The following FER1L6 variants were observed in gnomAD, a reference collection of about 807,000 sequenced individuals.
FER1L6 encodes fer-1-like protein 6.
A neutral mutation model predicts 219.2 loss-of-function variants in FER1L6; 177 were observed. The ratio of observed to expected loss-of-function variants is 0.81; its 90% CI spans 0.71 to 0.91. The LOEUF (loss-of-function observed/expected upper bound fraction) is 0.91, where lower values mean the gene tolerates loss of function less well. Ranked by LOEUF, FER1L6 falls within the 40% of genes least tolerant of loss-of-function variation. FER1L6 has a pLI of 0.00. For synonymous variants in FER1L6, 768 were observed against 824.3 expected (o/e 0.93, Z 1.17); for missense variants, 2,153 against 2,259.9 (o/e 0.95, Z 0.96).
At position 123,977,590 on chromosome 8, in the gene FER1L6, C is replaced by A. The variant is rs74764681; in HGVS notation, c.1044C>A (p.Asn348Lys). 5 of 1,614,002 alleles carry A rather than the reference C, an allele frequency of 3.1e-6. No individual in the cohort carries two copies. Among genetic ancestry groups the A allele is most frequent in the Non-Finnish European group, 4.2e-6 (5 of 1,179,968 alleles). The change falls in exon 10 of 41, where the codon AAC becomes AAA. Residue 348 changes from asparagine to lysine, a missense_variant. Physicochemically the swap from Asn to Lys is moderately conservative, Grantham distance 94. Coordinates refer to ENST00000522917, the MANE Select transcript of FER1L6 (RefSeq NM_001039112.2). ...THFIDLKKIS[N>K]EQDGDKGFLP... The stretch of plus-strand genomic sequence containing the variant: ...TCATTGACCTGAAGAAAATCTCCAA[C>A]GAACAGGATGGAGACAAAGGTAAAG...
chr8:123,899,652 G>A (rs370008321), intron 1 of FER1L6, among the ~76,000 whole-genome samples: 4 of 151,842 alleles, frequency 2.6e-5, no homozygotes, highest in African/African-American at 4.8e-5. Flanking sequence ...CAGGTCTTAG[G>A]TTTAAGTCCT....
In FER1L6 at chr8:123,980,767, A is replaced by C; in HGVS notation, c.1366A>C (p.Asn456His). The C allele has an allele frequency of 6.2e-7, 1 of 1,614,130 alleles. No individual in the cohort carries two copies. The highest frequency in any genetic ancestry group is 8.5e-7 in the Non-Finnish European group (1 of 1,180,016). The stretch of plus-strand genomic sequence containing the variant: ...ATCCCAACAGGCTTCAAACAAAACT[A>C]ACTCAACCGAGGTGGAGGTGGAATC... ...GKSQQASNKT[N>H]STEVEVESFD... is the part of the protein sequence containing the mutation. Residue 456 changes from asparagine to histidine, a missense_variant, in exon 11 of 41, where the codon AAC becomes CAC. Asn to His is a moderately conservative substitution (Grantham distance 68, BLOSUM62 1). Coordinates refer to ENST00000522917, the MANE Select transcript of FER1L6 (RefSeq NM_001039112.2).
chr8:123,927,334 G>A (rs563482081), intron 1 of FER1L6, among the ~76,000 whole-genome samples: 101 of 152,118 alleles, frequency 6.6e-4, no homozygotes, highest in Non-Finnish European at 1.3e-3. Context: ...AAATGCAATC[G>A]CTAGGTAAGG....
intron 1 of FER1L6, among the ~76,000 whole-genome samples, chr8:123,864,132 C>T (rs1340026169): frequency 1.3e-5 from 2 of 149,586 alleles, no homozygotes. Flanking sequence ...TTGTTCCTTT[C>T]CATGTTTAGC....
At chr8:123,898,976 G>C (rs995126289) in intron 1 of FER1L6, among the ~76,000 whole-genome samples, 1 of 151,704 alleles carries the variant, frequency 6.6e-6, no homozygotes, top group East Asian at 1.9e-4. Context: ...GCATGTGCAA[G>C]TATCTTTTGC....
At chr8:123,874,814 C>T (rs1229060487) in intron 1 of FER1L6, among the ~76,000 whole-genome samples, 1 of 152,150 alleles carries the variant, frequency 6.6e-6, no homozygotes, top group Non-Finnish European at 1.5e-5. Flanking sequence ...AATGTATAAA[C>T]GTGCCATAAT....
intron 17 of FER1L6, 75 bp downstream of exon 17, chr8:124,021,744 A>G: frequency 1.9e-6 from 3 of 1,553,826 alleles, no homozygotes; most frequent in South Asian, 1.2e-5. Context: ...AATGGTTGGT[A>G]CGGGTGAAAT....
intron 1 of FER1L6, among the ~76,000 whole-genome samples, chr8:123,922,481 G>GT (rs1813396256): frequency 6.6e-6 from 1 of 152,330 alleles, no homozygotes; most frequent in East Asian, 1.9e-4. Context: ...GGCTCTCAGA[G>GT]TATTGCCTGG....
intron 1 of FER1L6, among the ~76,000 whole-genome samples, chr8:123,894,373 C>T (rs976875530): frequency 6.6e-6 from 1 of 152,128 alleles, no homozygotes; most frequent in Non-Finnish European, 1.5e-5. Context: ...GGCTGCAGCA[C>T]CTGATTAAAG....
chr8:123,924,256 A>AAAAAAAAT, intron 1 of FER1L6, among the ~76,000 whole-genome samples: 1 of 145,286 alleles, frequency 6.9e-6, no homozygotes, highest in Non-Finnish European at 1.5e-5. Context: ...AAAAAAAAAA[A>AAAAAAAAT]GTATATGGCT....
chr8:124,107,191 G>A (rs887058230), intron 39 of FER1L6, among the ~76,000 whole-genome samples: 39 of 151,844 alleles, frequency 2.6e-4, no homozygotes, highest in African/African-American at 8.0e-4. Context: ...CTTGTGATCC[G>A]CCCGCCTCAG....
rs907506317 is a variant in FER1L6, at chr8:123,952,153, A to T, written c.-7-3839A>T. Among the ~76,000 whole-genome samples the T allele has an allele frequency of 5.9e-5, 9 of 151,440 alleles. No individual in the cohort carries two copies. In the East Asian group the frequency reaches 1.7e-3, roughly 29 times the overall value. On this transcript the variant is annotated intron_variant, in intron 1 of 40. Transcript: ENST00000522917. ...GTCATCTATGTAACATCCCAGTGAGAAAAAGCAGAACTAACCTTATGGCCA... is the reference window on the plus strand; with the variant it reads ...GTCATCTATGTAACATCCCAGTGAGTAAAAGCAGAACTAACCTTATGGCCA...
intron 21 of FER1L6, 107 bp from the exon 22 acceptor site, chr8:124,049,500 G>A: frequency 7.9e-7 from 1 of 1,266,290 alleles, no homozygotes; most frequent in Non-Finnish European, 1.1e-6. Context: ...AGACATGGAA[G>A]CTGATGGTTT....
chr8:124,108,354 T>C (rs1232954745), intron 39 of FER1L6, among the ~76,000 whole-genome samples: 1 of 151,960 alleles, frequency 6.6e-6, no homozygotes, highest in Non-Finnish European at 1.5e-5. Flanking sequence ...GTACACCTCA[T>C]GAGCTGTCGT....
At position 123,865,370 on chromosome 8, in the gene FER1L6, A is replaced by G. The variant is rs907640357; in HGVS notation, c.-8+13185A>G. Among the ~76,000 whole-genome samples, 30 of 150,048 alleles carry G rather than the reference A, an allele frequency of 2.0e-4. 1 individual carries two copies. The highest frequency in any genetic ancestry group is 3.8e-4 in the Non-Finnish European group (26 of 67,868). ...TCTCCAGCTGCGTGCTGGGAGAACC[A>G]CTGCTCTCTTCAAAGCTGTCAGACA... On this transcript the variant is annotated intron_variant, in intron 1 of 40. Transcript: ENST00000522917.
chr8:124,081,561 T>G (rs1821552157), intron 32 of FER1L6, among the ~76,000 whole-genome samples: 1 of 147,614 alleles, frequency 6.8e-6, no homozygotes, highest in Non-Finnish European at 1.5e-5. Flanking sequence ...TTATTTTGTG[T>G]GTACTTTCTG....
At chr8:124,021,462 C>T in intron 16 of FER1L6, 88 bp from the exon 17 acceptor site, 3 of 1,563,192 alleles carry the variant, frequency 1.9e-6, no homozygotes, top group Middle Eastern at 1.7e-4. Flanking sequence ...GTGGAGCTCA[C>T]CAGGACCTTC....
intron 1 of FER1L6, among the ~76,000 whole-genome samples, chr8:123,929,590 C>T (rs7838437): frequency 0.26 from 39,010 of 151,938 alleles, 5,360 homozygotes; most frequent in East Asian, 0.44. Context: ...TTTCTGGGGC[C>T]GGTGGTCTTT....
chr8:124,073,356 C>G (rs970230922), intron 31 of FER1L6, among the ~76,000 whole-genome samples: 39 of 152,214 alleles, frequency 2.6e-4, no homozygotes, highest in Admixed American at 1.8e-3. Context: ...CTTGAACAAA[C>G]AGGGAGTCAG....
Sources: gnomAD v4.1 joint callset for allele counts (sites outside exome capture counted in the v4.1 genomes callset) on GRCh38, gnomAD v4.1.1 for gene constraint, MANE v1.5 for transcripts, NCBI Gene and HGNC (gene_info 2026-07-23, HGNC 2026-07-21) for gene names.